The following DOCK8 variants were observed in gnomAD, a reference collection of about 807,000 sequenced individuals.
DOCK8 encodes the protein dedicator of cytokinesis 8.
In DOCK8, 141 loss-of-function variants were observed where a neutral mutation model predicts 245.6. The observed-to-expected ratio is 0.57, with a 90% CI of 0.50 to 0.66. The LOEUF is 0.66. Ranked by LOEUF, DOCK8 falls within the 30% of genes least tolerant of loss-of-function variation. The pLI is 0.00. For missense variants in DOCK8, 2,965 were observed against 2,603.4 expected (o/e 1.14, Z -3.02); for synonymous variants, 1,168 against 970.2 (o/e 1.20, Z -3.79).
chr9:356,206 T>A (rs2052435378), intron 14 of DOCK8, among the ~76,000 whole-genome samples: 2 of 152,136 alleles, frequency 1.3e-5, no homozygotes, highest in African/African-American at 4.8e-5. Flanking sequence ...CTTTTGACTG[T>A]CTTGTCAATC....
chr9:429,228 A>G (rs932625339), intron 35 of DOCK8, among the ~76,000 whole-genome samples: 13 of 152,226 alleles, frequency 8.5e-5, no homozygotes, highest in African/African-American at 2.9e-4. Context: ...CAGCCTCCCA[A>G]AGCACTGGGA....
intron 14 of DOCK8, among the ~76,000 whole-genome samples, chr9:346,960 A>T (rs921912558): frequency 2.6e-5 from 4 of 152,114 alleles, no homozygotes; most frequent in Non-Finnish European, 5.9e-5. Context: ...CATCCAAGGA[A>T]ATAGGTTCCC....
intron 27 of DOCK8, among the ~76,000 whole-genome samples, chr9:405,842 G>A (rs1198573834): frequency 6.6e-6 from 1 of 152,182 alleles, no homozygotes; most frequent in Non-Finnish European, 1.5e-5. Flanking sequence ...CCATCTTACT[G>A]TGAACAGGGA....
chr9:464,329 G>GATCA lies in DOCK8; in HGVS notation c.*111_*114dup. 2 of 918,180 alleles carry GATCA rather than the reference G, an allele frequency of 2.2e-6. No individual in the cohort carries two copies. Among genetic ancestry groups the GATCA allele is most frequent in the Non-Finnish European group, 3.6e-6 (2 of 548,940 alleles). 56.9% of individuals were successfully genotyped at this position (918,180 alleles called of 1,614,324 possible). On this transcript the variant is annotated 3_prime_UTR_variant, in exon 48 of 48. Transcript: ENST00000432829. The stretch of plus-strand genomic sequence containing the variant: ...ACCCAGGACTGACTGTACACTCCCT[G>GATCA]ATCAGCCAGCACTCTGGAAGCTTTG...
chr9:240,689 T>C (rs903132076), intron 1 of DOCK8, among the ~76,000 whole-genome samples: 1 of 152,160 alleles, frequency 6.6e-6, no homozygotes, highest in African/African-American at 2.4e-5. Context: ...TCCATTCATA[T>C]GACAGATATT....
At chr9:287,368 T>G (rs1444586185) in intron 3 of DOCK8, among the ~76,000 whole-genome samples, 2 of 152,098 alleles carry the variant, frequency 1.3e-5, no homozygotes, top group African/African-American at 2.4e-5. Flanking sequence ...TAAAAAAAAA[T>G]GTCTCTTTGG....
chr9:459,207 T>A (rs2057731565), intron 46 of DOCK8, among the ~76,000 whole-genome samples: 2 of 152,192 alleles, frequency 1.3e-5, no homozygotes, highest in African/African-American at 4.8e-5. Context: ...TTTATGATCT[T>A]GTGTACATTT....
rs2046704740 is a variant in DOCK8, at chr9:214,955, G to A, written c.-22G>A. The A allele has an allele frequency of 2.5e-6, 4 of 1,602,916 alleles. No homozygotes were observed. Among genetic ancestry groups the A allele is most frequent in the South Asian group, 1.1e-5 (1 of 89,828 alleles). ...CTTTCCGCACCCCGCGACCCTAGAA[G>A]CCACCGAACCGCCGGCGGGCCATGG... On this transcript the variant is annotated 5_prime_UTR_variant, in exon 1 of 48. Transcript: ENST00000432829.
chr9:430,133 G>A (rs952742607), intron 36 of DOCK8, among the ~76,000 whole-genome samples: 1 of 152,206 alleles, frequency 6.6e-6, no homozygotes, highest in Non-Finnish European at 1.5e-5. Flanking sequence ...CCAGCACTTT[G>A]GGAGGCCGAG....
At chr9:333,587 T>G (rs760617382) in intron 10 of DOCK8, among the ~76,000 whole-genome samples, 73 of 144,614 alleles carry the variant, frequency 5.0e-4, no homozygotes, top group African/African-American at 1.8e-3. Flanking sequence ...GGTGACAGAG[T>G]GAGACTCTGT....
At chr9:337,473 A>G (rs544590154) in intron 12 of DOCK8, among the ~76,000 whole-genome samples, 1 of 152,206 alleles carries the variant, frequency 6.6e-6, no homozygotes, top group Non-Finnish European at 1.5e-5. Context: ...TGCTATGACA[A>G]CAGTCTGGCT....
At chr9:431,137 G>A (rs1471819284) in intron 36 of DOCK8, among the ~76,000 whole-genome samples, 1 of 152,024 alleles carries the variant, frequency 6.6e-6, no homozygotes, top group Non-Finnish European at 1.5e-5. Context: ...GCCCCCCAAA[G>A]TACTGAGATT....
At chr9:211,810 AC>A (rs976567755), upstream of DOCK8, among the ~76,000 whole-genome samples, 5 of 152,142 alleles carry the variant, frequency 3.3e-5, no homozygotes, top group African/African-American at 1.2e-4. Context: ...TGAAGCCAGA[AC>A]CCAGATTTCC....
At chr9:277,719 G>C (rs1168919864) in intron 2 of DOCK8, among the ~76,000 whole-genome samples, 1 of 152,036 alleles carries the variant, frequency 6.6e-6, no homozygotes, top group Admixed American at 6.5e-5. Flanking sequence ...GAAGTGAAAT[G>C]GAATGAATTA....
At chr9:341,555 T>G (rs950067368) in intron 14 of DOCK8, among the ~76,000 whole-genome samples, 1 of 152,216 alleles carries the variant, frequency 6.6e-6, no homozygotes, top group Non-Finnish European at 1.5e-5. Context: ...TCACAGACTT[T>G]TACCTCACCT....
At chr9:379,691 T>C (rs2053661054) in intron 20 of DOCK8, 80 bp from the exon 21 acceptor site, 1 of 1,508,252 alleles carries the variant, frequency 6.6e-7, no homozygotes, top group Non-Finnish European at 9.2e-7. Flanking sequence ...GGACTCATTG[T>C]CACTGTCCTG....
At chr9:354,548 G>A (rs915170625) in intron 14 of DOCK8, among the ~76,000 whole-genome samples, 3 of 152,172 alleles carry the variant, frequency 2.0e-5, no homozygotes, top group Non-Finnish European at 4.4e-5. Context: ...TGTAGGTTAC[G>A]CAGGTGCAGC....
intron 39 of DOCK8, among the ~76,000 whole-genome samples, chr9:437,784 G>A (rs961901379): frequency 6.6e-6 from 1 of 152,200 alleles, no homozygotes; most frequent in Non-Finnish European, 1.5e-5. Flanking sequence ...GTGTCCCAGA[G>A]TGCAATATTT....
chr9:441,296 A>G lies in DOCK8; in HGVS notation c.5234A>G (p.Tyr1745Cys), dbSNP rs768175811. 4.3e-6 allele frequency: 7 copies of G among 1,614,212 alleles called. No individual in the cohort carries two copies. In the South Asian group the frequency reaches 5.5e-5, roughly 13 times the overall value. Reference sequence around the variant, plus strand: ...TCTCCTCTTTCCAAGGGAGGCTTATATGAGACAGTTAATGAGGTCTACAAG... The same window carrying G: ...TCTCCTCTTTCCAAGGGAGGCTTATGTGAGACAGTTAATGAGGTCTACAAG... ...AAELFSTGGL[Y>C]ETVNEVYKLV... The change falls in exon 41 of 48, where the codon TAT becomes TGT. Residue 1745 changes from tyrosine to cysteine, a missense_variant. Coordinates refer to ENST00000432829, the MANE Select transcript of DOCK8 (RefSeq NM_203447.4).
Sources: gnomAD v4.1 joint callset for allele counts (sites outside exome capture counted in the v4.1 genomes callset) on GRCh38, gnomAD v4.1.1 for gene constraint, MANE v1.5 for transcripts, NCBI Gene and HGNC (gene_info 2026-07-23, HGNC 2026-07-21) for gene names.